Variants in ZNF423 observed in about 807,000 individuals in gnomAD.
ZNF423 encodes the protein Ebf-associated zinc finger protein.
ZNF423 carries 12 observed loss-of-function variants against 95.8 expected under a neutral mutation model. The observed-to-expected ratio is 0.13, with a 90% CI of 0.08 to 0.20. ZNF423 has a LOEUF of 0.20. Among genes scored for constraint, ZNF423 ranks in the 10% least tolerant of loss-of-function variants. The pLI is 1.00. For missense variants in ZNF423, 1,316 were observed against 1,737.1 expected (o/e 0.76, Z 4.31); for synonymous variants, 749 against 711.9 (o/e 1.05, Z -0.83).
At chr16:49,719,408 G>A (rs1483970197) in intron 3 of ZNF423, among the ~76,000 whole-genome samples, 1 of 152,226 alleles carries the variant, frequency 6.6e-6, no homozygotes, top group South Asian at 2.1e-4. Context: ...TGCAATTTTA[G>A]AATACGTAGC....
chr16:49,547,747 G>A lies in ZNF423; in HGVS notation c.3602-22253C>T, dbSNP rs575186344. 7.2e-5 allele frequency among the ~76,000 whole-genome samples: 11 copies of A among 152,330 alleles called. No individual in the cohort carries two copies. In the East Asian group the frequency reaches 1.4e-3, roughly 19 times the overall value. ...GCTGGGCGTTGTCCTGGGGCTTCTCGCAAAAGTCGCTCTTGACGATAATGG... is the reference window on the plus strand; with the variant it reads ...GCTGGGCGTTGTCCTGGGGCTTCTCACAAAAGTCGCTCTTGACGATAATGG... On this transcript the variant is annotated intron_variant, in intron 5 of 7. Coordinates refer to ENST00000563137, the MANE Select transcript of ZNF423 (RefSeq NM_001379286.1).
chr16:49,677,180 T>A (rs1410289141), intron 3 of ZNF423, among the ~76,000 whole-genome samples: 2 of 141,362 alleles, frequency 1.4e-5, no homozygotes, highest in African/African-American at 5.3e-5. Context: ...ATCACGCCAC[T>A]GAACTCCAGT....
chr16:49,636,346 A>G lies in ZNF423; in HGVS notation c.2830T>C (p.Ser944Pro). 6.2e-7 allele frequency: 1 copy of G among 1,612,780 alleles called. No homozygotes were observed. The highest frequency in any genetic ancestry group is 8.5e-7 in the Non-Finnish European group (1 of 1,180,012). ...CCGTTCTCCGAGAAGAAAGTCCGTGAACAAACGTTGCACTTGTGACTGCCC... is the reference window on the plus strand; with the variant it reads ...CCGTTCTCCGAGAAGAAAGTCCGTGGACAAACGTTGCACTTGTGACTGCCC... ...IKGSHKCNVCSRTFFSENGLR... is the reference protein window; with the variant it reads ...IKGSHKCNVCPRTFFSENGLR... The change falls in exon 4 of 8, where the codon TCA becomes CCA. Residue 944 changes from serine (S) to proline (P), a missense_variant. Coordinates refer to ENST00000563137, the MANE Select transcript of ZNF423 (RefSeq NM_001379286.1). This position sits in a 1 kb window ranked among gnomAD's most constrained non-coding sequence, Gnocchi z 8.6.
chr16:49,555,040 C>A (rs373326450), intron 5 of ZNF423, among the ~76,000 whole-genome samples: 2 of 152,054 alleles, frequency 1.3e-5, no homozygotes, highest in Non-Finnish European at 2.9e-5. Flanking sequence ...CAAGGAGTAT[C>A]ATTTTCTTCT....
intron 2 of ZNF423, among the ~76,000 whole-genome samples, chr16:49,764,063 C>A (rs2033881539): frequency 6.6e-6 from 1 of 152,236 alleles, no homozygotes; most frequent in Non-Finnish European, 1.5e-5. Context: ...CCCACTCCCA[C>A]AGCCAAACTG....
At chr16:49,758,958 C>T (rs2033776808) in intron 2 of ZNF423, among the ~76,000 whole-genome samples, 1 of 152,164 alleles carries the variant, frequency 6.6e-6, no homozygotes. Context: ...AAGTAGCTTG[C>T]AAAGTTCTAT....
chr16:49,608,045 C>G (rs1480506733), intron 5 of ZNF423, among the ~76,000 whole-genome samples: 1 of 152,200 alleles, frequency 6.6e-6, no homozygotes, highest in Admixed American at 6.5e-5. Flanking sequence ...TGATTTTCCC[C>G]TCAACCCCCA....
Position 49,637,579 on chromosome 16 carries a change from C to G in ZNF423, c.1597G>C (p.Gly533Arg), listed in dbSNP as rs373356097. 5.0e-6 allele frequency: 8 copies of G among 1,613,862 alleles called. No individual in the cohort carries two copies. Among genetic ancestry groups the G allele is most frequent in the Non-Finnish European group, 6.8e-6 (8 of 1,180,030 alleles). Residue 533 changes from glycine (G) to arginine (R), a missense_variant, in exon 4 of 8, where the codon GGT becomes CGT. Physicochemically the swap from Gly to Arg is moderately radical, Grantham distance 125. Coordinates refer to ENST00000563137, the MANE Select transcript of ZNF423 (RefSeq NM_001379286.1). This position sits in a 1 kb window ranked among gnomAD's most constrained non-coding sequence, Gnocchi z 5.6. ...GTGAGGGAGGACTCAGTAAGGAAAC[C>G]CATGGAGCACTGGTTGCAGAAGAAA... is the stretch of plus-strand genomic sequence containing the variant. ...NAFFCNQCSM[G>R]FLTESSLTEH...
Position 49,488,464 on chromosome 16 carries a change from C to T in ZNF423, c.*2811G>A, listed in dbSNP as rs1966876159. The T allele has an allele frequency of 1.3e-5, 2 of 152,224 alleles. No homozygotes were observed. Among genetic ancestry groups the T allele is most frequent in the South Asian group, 2.1e-4 (1 of 4,832 alleles). 9.4% of individuals were successfully genotyped at this position (152,224 alleles called of 1,614,324 possible). A position where few individuals can be genotyped will look rare whatever the true frequency, so the allele number is the denominator to read the frequency against. ...CAATTTGTACATCTAAATACAGCAGCAATGAACCTTAGGCTTTCAGTCACC... is the reference window on the plus strand; with the variant it reads ...CAATTTGTACATCTAAATACAGCAGTAATGAACCTTAGGCTTTCAGTCACC... On this transcript the variant is annotated 3_prime_UTR_variant, in exon 8 of 8. Transcript: ENST00000563137.
In ZNF423 at chr16:49,523,696, C is replaced by T; in HGVS notation, c.3777G>A (p.Val1259=). 6.2e-7 allele frequency: 1 copy of T among 1,614,102 alleles called. No individual in the cohort carries two copies. Among genetic ancestry groups the T allele is most frequent in the Non-Finnish European group, 8.5e-7 (1 of 1,180,032 alleles). The part of the protein sequence containing the change: ...ANKLQQHIFA[V]HGQEDKIYDC... ...CGTAGATCTTGTCCTCCTGCCCGTG[C>T]ACGGCAAAGATGTGCTGCTGCAACT... The change falls in exon 7 of 8, where the codon GTG becomes GTA. Residue 1259 remains valine, a synonymous_variant. Transcript: ENST00000563137.
At chr16:49,785,973 G>A (rs1597006886) in intron 2 of ZNF423, among the ~76,000 whole-genome samples, 1 of 152,182 alleles carries the variant, frequency 6.6e-6, no homozygotes, top group Non-Finnish European at 1.5e-5. Context: ...TCCACTGGAT[G>A]CCCAAAGGCA....
intron 1 of ZNF423, among the ~76,000 whole-genome samples, chr16:49,852,327 T>A (rs2035311058): frequency 6.6e-6 from 1 of 152,068 alleles, no homozygotes; most frequent in South Asian, 2.1e-4. Flanking sequence ...GAGAGAAAAT[T>A]GACAGTATTA....
At chr16:49,712,460 T>A (rs1255543993) in intron 3 of ZNF423, among the ~76,000 whole-genome samples, 1 of 152,256 alleles carries the variant, frequency 6.6e-6, no homozygotes, top group Non-Finnish European at 1.5e-5. Flanking sequence ...CATAATCCAC[T>A]GATAGAGGGC....
At chr16:49,709,627 G>A (rs992502740) in intron 3 of ZNF423, among the ~76,000 whole-genome samples, 12 of 152,124 alleles carry the variant, frequency 7.9e-5, no homozygotes, top group Non-Finnish European at 1.6e-4. Flanking sequence ...TTTGTATGTT[G>A]AAACCTAACC....
At chr16:49,537,927 G>A (rs1969111194) in intron 5 of ZNF423, among the ~76,000 whole-genome samples, 1 of 152,176 alleles carries the variant, frequency 6.6e-6, no homozygotes, top group South Asian at 2.1e-4. Context: ...GGACCAGATG[G>A]GGGGTCTGCC....
Position 49,813,154 on chromosome 16 carries a change from C to G in ZNF423, c.41-23608G>C, listed in dbSNP as rs1026782939. On this transcript the variant is annotated intron_variant, in intron 1 of 7. Transcript: ENST00000563137. ...CTCTCTCAACTCCCATTTCCCTGTG[C>G]GTATGAATGACATTAGACTGGACTT... is the stretch of plus-strand genomic sequence containing the variant. 8.5e-5 allele frequency among the ~76,000 whole-genome samples: 13 copies of G among 152,058 alleles called. 1 individual carries two copies. Among genetic ancestry groups the G allele is most frequent in the African/African-American group, 2.9e-4 (12 of 41,404 alleles).
intron 3 of ZNF423, among the ~76,000 whole-genome samples, chr16:49,661,847 T>C (rs1002405582): frequency 1.3e-5 from 2 of 152,154 alleles, no homozygotes; most frequent in East Asian, 3.9e-4. Context: ...TGACCAGTGG[T>C]GTAAACCAGG....
intron 2 of ZNF423, among the ~76,000 whole-genome samples, chr16:49,765,369 T>C (rs374145868): frequency 9.2e-5 from 14 of 152,204 alleles, no homozygotes; most frequent in African/African-American, 3.4e-4. Context: ...ACTGCACACA[T>C]AAATGGTTAA....
chr16:49,758,383 C>G (rs1018337431), intron 2 of ZNF423, among the ~76,000 whole-genome samples: 8 of 152,158 alleles, frequency 5.3e-5, no homozygotes, highest in Non-Finnish European at 1.2e-4. Flanking sequence ...AAGTGATCCA[C>G]CCCCCTCAGC....
Sources: gnomAD v4.1 joint callset for allele counts (sites outside exome capture counted in the v4.1 genomes callset) on GRCh38, gnomAD v4.1.1 for gene constraint, Gnocchi (gnomAD v3.1) non-coding constraint, MANE v1.5 for transcripts, NCBI Gene and HGNC (gene_info 2026-07-23, HGNC 2026-07-21) for gene names.